Variants in BPIFA3 observed in about 807,000 individuals in gnomAD.
The protein encoded by BPIFA3 is BPI fold containing family A member 3.
A neutral mutation model predicts 29.7 loss-of-function variants in BPIFA3; 32 were observed. That is an observed-to-expected ratio of 1.08 (90% CI 0.81 to 1.45). The LOEUF (loss-of-function observed/expected upper bound fraction) is 1.45. BPIFA3 is among the 40% of genes most tolerant of loss of function. The pLI is 0.00. For missense variants in BPIFA3, 323 were observed against 311.3 expected (o/e 1.04, Z -0.28); for synonymous variants, 112 against 113.7 (o/e 0.98, Z 0.10).
intron 4 of BPIFA3, chr20:33,226,174 C>T (rs1985769457): frequency 2.2e-6 from 1 of 461,684 alleles, no homozygotes; most frequent in Non-Finnish European, 3.8e-6. Context: ...AAGGGAAAGA[C>T]TCTGGAATCT....
chr20:33,224,513 A>T, intron 3 of BPIFA3, 51 bp downstream of exon 3: 1 of 1,433,910 alleles, frequency 7.0e-7, no homozygotes, highest in Non-Finnish European at 9.8e-7. Context: ...CCTCGCAGGG[A>T]ACCTGGGAAA....
At chr20:33,217,915 T>C (rs1298905535) in intron 1 of BPIFA3, among the ~76,000 whole-genome samples, 1 of 152,266 alleles carries the variant, frequency 6.6e-6, no homozygotes, top group Non-Finnish European at 1.5e-5. Flanking sequence ...CTTTATGACT[T>C]ATTCTCACCC....
At position 33,217,692 on chromosome 20, in the gene BPIFA3, G is replaced by A. The variant is rs757771509; in HGVS notation, c.127+29G>A. 8 of 1,602,796 alleles carry A rather than the reference G, an allele frequency of 5.0e-6. No individual in the cohort carries two copies. The East Asian group carries it at 1.6e-4, about 32-fold the overall frequency. On this transcript the variant is annotated intron_variant, in intron 1 of 6. Transcript: ENST00000375454. ...AGCTAAGCCCCGGGCTCTGCCTGCT[G>A]CCTACGGGGCTGGGGAGGTGGGAAG...
intron 1 of BPIFA3, among the ~76,000 whole-genome samples, chr20:33,222,557 T>A (rs1568623284): frequency 3.7e-5 from 3 of 80,560 alleles, no homozygotes; most frequent in African/African-American, 1.5e-4. Flanking sequence ...GATGGACAGA[T>A]GGATGGATGG....
At chr20:33,223,777 C>G in intron 1 of BPIFA3, 34 bp from the exon 2 acceptor site, 2 of 1,590,910 alleles carry the variant, frequency 1.3e-6, no homozygotes, top group Non-Finnish European at 1.7e-6. Flanking sequence ...TTCCGTGACA[C>G]TGTGCAAAGT....
At chr20:33,226,872 C>T in intron 5 of BPIFA3, 58 bp from the exon 6 acceptor site, 1 of 1,606,988 alleles carries the variant, frequency 6.2e-7, no homozygotes, top group Non-Finnish European at 8.5e-7. Flanking sequence ...GCCACAGTCA[C>T]TTCAGTTTTC....
rs1337738799 is a variant in BPIFA3 at position 33,217,417 on chromosome 20, G to A, written c.-120G>A. 24 of 1,315,364 alleles carry A rather than the reference G, an allele frequency of 1.8e-5. No homozygotes were observed. In the East Asian group the frequency reaches 5.3e-4, roughly 29 times the overall value. The allele number at this position is 1,315,364 out of a possible 1,614,324, so 81.5% of individuals were successfully genotyped here. On this transcript the variant is annotated 5_prime_UTR_variant, in exon 1 of 7. Transcript: ENST00000375454. ...AGCCCCTCCCCACAGCATGCTGGGG[G>A]CTAATTCTGATGTCATCTTTCTGCA... is the stretch of plus-strand genomic sequence containing the variant.
intron 1 of BPIFA3, among the ~76,000 whole-genome samples, chr20:33,222,592 A>ATGGT (rs745913863): frequency 3.2e-4 from 42 of 131,120 alleles, no homozygotes; most frequent in Middle Eastern, 3.8e-3. Flanking sequence ...GGATGGATGG[A>ATGGT]TGGATGGATG....
In BPIFA3 at chr20:33,217,540, A is replaced by G; in HGVS notation, c.4A>G (p.Met2Val). 1.2e-6 allele frequency: 2 copies of G among 1,613,936 alleles called. No individual in the cohort carries two copies. Among genetic ancestry groups the G allele is most frequent in the Non-Finnish European group, 1.7e-6 (2 of 1,179,940 alleles). The change falls in exon 1 of 7, where the codon ATG becomes GTG. Residue 2 changes from methionine (M) to valine (V), a missense_variant. Coordinates refer to ENST00000375454, the MANE Select transcript of BPIFA3 (RefSeq NM_178466.5). ...ACATCTGCAGGTCCCAGACCCTATG[A>G]TGTGTCCACTCTGGAGGCTCCTCAT... M[M>V]CPLWRLLIFL...
chr20:33,219,577 T>C (rs868266977), intron 1 of BPIFA3, among the ~76,000 whole-genome samples: 3 of 152,360 alleles, frequency 2.0e-5, no homozygotes, highest in Middle Eastern at 3.4e-3. Context: ...TGCCTGTGTA[T>C]GTAAGGCAGA....
intron 3 of BPIFA3, among the ~76,000 whole-genome samples, chr20:33,224,735 A>T (rs1451507975): frequency 6.6e-6 from 1 of 152,216 alleles, no homozygotes; most frequent in African/African-American, 2.4e-5. Context: ...GAAAGGGAGA[A>T]CTGCTGTAAT....
intron 3 of BPIFA3, 60 bp from the exon 4 acceptor site, chr20:33,225,038 T>G: frequency 6.5e-7 from 1 of 1,535,546 alleles, no homozygotes; most frequent in Non-Finnish European, 9.0e-7. Context: ...AATACGGAGA[T>G]TTCTACTCTT....
chr20:33,223,724 C>A (rs1207728701), intron 1 of BPIFA3, 87 bp from the exon 2 acceptor site: 76 of 1,471,678 alleles, frequency 5.2e-5, no homozygotes, highest in Non-Finnish European at 7.0e-5. Flanking sequence ...AGATCTTGCA[C>A]CAGCCTGCAA....
At chr20:33,221,409 G>A (rs1002413370) in intron 1 of BPIFA3, among the ~76,000 whole-genome samples, 2 of 152,104 alleles carry the variant, frequency 1.3e-5, no homozygotes, top group Non-Finnish European at 2.9e-5. Flanking sequence ...CGCCCGCCTT[G>A]GCCTCCCAAA....
In BPIFA3 at chr20:33,224,398, A is replaced by C. The variant is rs200302065; in HGVS notation, c.322A>C (p.Ile108Leu). ...TCAGCTGGACTGTGGTGGGATCCAG[A>C]TATCATTCCATAAGGAGTGGTTCTC... is the stretch of plus-strand genomic sequence containing the variant. ...NIQLDCGGIQ[I>L]SFHKEWFSAN... The change falls in exon 3 of 7, where the codon ATA (isoleucine) becomes CTA (leucine). Residue 108 changes from isoleucine to leucine, a missense_variant. Transcript: ENST00000375454. 6.2e-7 allele frequency: 1 copy of C among 1,614,048 alleles called. No homozygotes were observed. The highest frequency in any genetic ancestry group is 8.5e-7 in the Non-Finnish European group (1 of 1,180,022).
chr20:33,225,298 C>T, intron 4 of BPIFA3, 51 bp downstream of exon 4: 7 of 1,609,784 alleles, frequency 4.3e-6, no homozygotes, highest in Non-Finnish European at 5.9e-6. Flanking sequence ...CCTGATGAGC[C>T]CCAGCTGCAG....
chr20:33,220,426 T>G (rs1247244564), intron 1 of BPIFA3, among the ~76,000 whole-genome samples: 3 of 152,044 alleles, frequency 2.0e-5, no homozygotes, highest in African/African-American at 7.2e-5. Context: ...GGAAATTGGA[T>G]TGGAGTTAAA....
chr20:33,226,013 A>G (rs992425825), intron 4 of BPIFA3: 1 of 194,766 alleles, frequency 5.1e-6, no homozygotes, highest in Non-Finnish European at 1.0e-5. Context: ...AACTGACTGT[A>G]AGTCCCTTGA....
chr20:33,226,773 A>G, intron 5 of BPIFA3, 157 bp from the exon 6 acceptor site: 1 of 750,136 alleles, frequency 1.3e-6, no homozygotes, highest in South Asian at 1.7e-5. Context: ...GTTGTGCATG[A>G]CACTGAGCAG....
Sources: gnomAD v4.1 joint callset for allele counts (sites outside exome capture counted in the v4.1 genomes callset) on GRCh38, gnomAD v4.1.1 for gene constraint, MANE v1.5 for transcripts, NCBI Gene and HGNC (gene_info 2026-07-23, HGNC 2026-07-21) for gene names.